Variants in BORCS5 observed in about 807,000 individuals in gnomAD.
BORCS5 encodes the protein BLOC-1-related complex subunit 5.
A neutral mutation model predicts 22.1 loss-of-function variants in BORCS5; 17 were observed. The observed-to-expected ratio is 0.77, with a 90% CI of 0.53 to 1.15. BORCS5 has a LOEUF of 1.15. Among genes scored for constraint, BORCS5 ranks in the 50% most tolerant of loss-of-function variants. The pLI is 0.00. For synonymous variants in BORCS5, 117 were observed against 99.8 expected, an observed-to-expected ratio of 1.17 and a Z score of -1.03; for missense variants, 247 against 253.2, an observed-to-expected ratio of 0.98 and a Z score of 0.17.
intron 2 of BORCS5, among the ~76,000 whole-genome samples, chr12:12,364,877 G>T (rs1440435494): frequency 6.6e-6 from 1 of 152,190 alleles, no homozygotes; most frequent in Non-Finnish European, 1.5e-5. Flanking sequence ...TGAGGTGGGA[G>T]TATCACTTGA....
chr12:12,416,855 C>T (rs1238898130), intron 2 of BORCS5, among the ~76,000 whole-genome samples: 1 of 147,690 alleles, frequency 6.8e-6, no homozygotes, highest in Admixed American at 6.9e-5. Context: ...AGTCTCAGCT[C>T]ACTGCAGCCT....
At chr12:12,449,316 G>A (rs144986085) in intron 3 of BORCS5, among the ~76,000 whole-genome samples, 1 of 152,194 alleles carries the variant, frequency 6.6e-6, no homozygotes, top group Non-Finnish European at 1.5e-5. Context: ...TCTTTCATGG[G>A]ACCCGAGGAA....
chr12:12,377,501 A>G (rs1863682124), intron 2 of BORCS5, among the ~76,000 whole-genome samples: 1 of 151,918 alleles, frequency 6.6e-6, no homozygotes, highest in Non-Finnish European at 1.5e-5. Flanking sequence ...TTTGTCTTAG[A>G]CATCGTGGAT....
chr12:12,357,447 G>T lies in BORCS5; in HGVS notation c.-5G>T. 6.2e-7 allele frequency: 1 copy of T among 1,607,082 alleles called. No individual in the cohort carries two copies. Among genetic ancestry groups the T allele is most frequent in the South Asian group, 1.1e-5 (1 of 90,900 alleles). ...CGTTCTTCTGCTGCCACCGCTGTCG[G>T]CACCATGGGCAGTGAGCAGAGCTCC... is the stretch of plus-strand genomic sequence containing the variant. On this transcript the variant is annotated 5_prime_UTR_variant, in exon 1 of 4. Coordinates refer to ENST00000314565, the MANE Select transcript of BORCS5 (RefSeq NM_058169.6).
chr12:12,405,946 G>T (rs1941586126), intron 2 of BORCS5, among the ~76,000 whole-genome samples: 1 of 152,254 alleles, frequency 6.6e-6, no homozygotes, highest in Admixed American at 6.5e-5. Flanking sequence ...ACCTAGCCAA[G>T]TAAAATGGCC....
intron 2 of BORCS5, among the ~76,000 whole-genome samples, chr12:12,377,861 G>A (rs1018720608): frequency 7.2e-5 from 11 of 152,152 alleles, no homozygotes; most frequent in African/African-American, 2.7e-4. Flanking sequence ...GGAAAATGCA[G>A]GCAGTAAAGA....
At chr12:12,450,313 A>T (rs748153202) in intron 3 of BORCS5, among the ~76,000 whole-genome samples, 3 of 152,200 alleles carry the variant, frequency 2.0e-5, no homozygotes, top group African/African-American at 4.8e-5. Context: ...TTACAGATGA[A>T]GATTGCTTTG....
chr12:12,430,503 G>C (rs1247396825), intron 2 of BORCS5, among the ~76,000 whole-genome samples: 1 of 152,170 alleles, frequency 6.6e-6, no homozygotes, highest in Non-Finnish European at 1.5e-5. Flanking sequence ...GAGAATTAAA[G>C]ATGAGGTTTT....
intron 2 of BORCS5, among the ~76,000 whole-genome samples, chr12:12,412,730 A>G (rs2136088040): frequency 6.6e-6 from 1 of 152,240 alleles, no homozygotes; most frequent in Middle Eastern, 3.4e-3. Context: ...GGTCATCACC[A>G]TTGAATATGA....
intron 3 of BORCS5, among the ~76,000 whole-genome samples, chr12:12,458,424 T>C (rs1267068329): frequency 2.0e-5 from 3 of 152,234 alleles, no homozygotes; most frequent in African/African-American, 7.2e-5. Context: ...GTTATTGATA[T>C]ATTCATTCTG....
intron 2 of BORCS5, among the ~76,000 whole-genome samples, chr12:12,362,420 CTTT>C (rs1050454488): frequency 6.6e-6 from 1 of 151,990 alleles, no homozygotes; most frequent in African/African-American, 2.4e-5. Context: ...CTTTCAGTTT[CTTT>C]TTTATTATTA....
At chr12:12,426,391 A>C (rs1942287300) in intron 2 of BORCS5, among the ~76,000 whole-genome samples, 1 of 152,210 alleles carries the variant, frequency 6.6e-6, no homozygotes, top group South Asian at 2.1e-4. Context: ...AAAGGTAGAG[A>C]TTGTGAAATG....
chr12:12,452,724 C>A (rs1372771413), intron 3 of BORCS5, among the ~76,000 whole-genome samples: 1 of 152,196 alleles, frequency 6.6e-6, no homozygotes, highest in African/African-American at 2.4e-5. Context: ...AAACATTTGC[C>A]CATTGTTGTC....
At chr12:12,441,733 T>A (rs370906131) in intron 3 of BORCS5, among the ~76,000 whole-genome samples, 1 of 140,634 alleles carries the variant, frequency 7.1e-6, no homozygotes, top group Non-Finnish European at 1.6e-5. Context: ...TTTTTTTTTT[T>A]AAGCCCACTG....
At chr12:12,415,453 G>A (rs1421686634) in intron 2 of BORCS5, among the ~76,000 whole-genome samples, 1 of 141,406 alleles carries the variant, frequency 7.1e-6, no homozygotes, top group African/African-American at 2.5e-5. Flanking sequence ...GGCAGGCTGA[G>A]GCAGGAGAAT....
intron 2 of BORCS5, among the ~76,000 whole-genome samples, chr12:12,422,842 G>A: frequency 6.6e-6 from 1 of 151,916 alleles, no homozygotes; most frequent in East Asian, 1.9e-4. Context: ...ATAAACTAAA[G>A]TTACAATAAC....
chr12:12,384,180 A>T (rs1438422045), intron 2 of BORCS5, among the ~76,000 whole-genome samples: 2 of 150,942 alleles, frequency 1.3e-5, no homozygotes, highest in Non-Finnish European at 3.0e-5. Context: ...ACAAAGTCTC[A>T]TTATGTTGCC....
At chr12:12,395,149 A>T (rs1246889395) in intron 2 of BORCS5, among the ~76,000 whole-genome samples, 1 of 151,888 alleles carries the variant, frequency 6.6e-6, no homozygotes, top group Non-Finnish European at 1.5e-5. Context: ...CTGGCAAGAG[A>T]GTCTGAGCAA....
At chr12:12,419,405 T>C (rs1942056286) in intron 2 of BORCS5, among the ~76,000 whole-genome samples, 1 of 152,222 alleles carries the variant, frequency 6.6e-6, no homozygotes, top group South Asian at 2.1e-4. Context: ...TAGTATTCCA[T>C]GGTGTATATG....
Sources: allele counts gnomAD v4.1 joint callset (sites outside exome capture counted in the v4.1 genomes callset), GRCh38; gene constraint gnomAD v4.1.1; transcripts MANE v1.5; gene names NCBI Gene and HGNC (gene_info 2026-07-23, HGNC 2026-07-21).